LEO1: variants seen among roughly 807,000 people sequenced by gnomAD.
LEO1 encodes the protein LEO1 component of Paf1/RNA polymerase II complex, also known as RNA polymerase-associated protein LEO1.
Under a neutral mutation model 80.4 loss-of-function variants are expected in LEO1, and 34 were observed. The ratio of observed to expected loss-of-function variants is 0.42; its 90% CI spans 0.32 to 0.56. The LOEUF is 0.56. Among genes scored for constraint, LEO1 ranks in the 20% least tolerant of loss-of-function variants. The pLI, the probability that LEO1 is intolerant of heterozygous loss-of-function variation, is 0.10. For missense variants in LEO1, 631 were observed against 814.2 expected (o/e 0.77, Z 2.74); for synonymous variants, 262 against 274.9 (o/e 0.95, Z 0.46).
chr15:51,956,839 G>A (rs1010832583), intron 6 of LEO1, among the ~76,000 whole-genome samples: 1 of 151,484 alleles, frequency 6.6e-6, no homozygotes, highest in South Asian at 2.1e-4. Flanking sequence ...TTTTTTTTTG[G>A]GGGGGAGACA....
At chr15:51,943,835 A>T (rs973398462) in intron 11 of LEO1, among the ~76,000 whole-genome samples, 3 of 152,174 alleles carry the variant, frequency 2.0e-5, no homozygotes, top group Non-Finnish European at 4.4e-5. Context: ...GGGTAACTGA[A>T]ATGAAATGTG....
intron 9 of LEO1, among the ~76,000 whole-genome samples, chr15:51,950,347 C>T (rs980935189): frequency 6.6e-6 from 1 of 152,060 alleles, no homozygotes; most frequent in Non-Finnish European, 1.5e-5. Flanking sequence ...TAAATTGACT[C>T]CCTGGAGCAG....
chr15:51,960,522 A>C, intron 4 of LEO1, 117 bp downstream of exon 4: 1 of 655,088 alleles, frequency 1.5e-6, no homozygotes, highest in Non-Finnish European at 2.7e-6. Context: ...TCATCTGTTC[A>C]TGGTATTTTC....
In LEO1 at chr15:51,962,606, A is replaced by C. The variant is rs1319257067; in HGVS notation, c.815-113T>G. 6.0e-6 allele frequency: 4 copies of C among 661,186 alleles called. No homozygotes were observed. In the Admixed American group the frequency reaches 8.3e-5, roughly 14 times the overall value. 41.0% of individuals were successfully genotyped at this position (661,186 alleles called of 1,614,324 possible). On this transcript the variant is annotated intron_variant, in intron 2 of 11. Transcript: ENST00000299601. ...GTGATACAATGGACTACTACTCAGC[A>C]ATAAAGAGGAATGAACTGCTGATAC...
chr15:51,961,352 A>AGGTGGTGGTGGT (rs367548538), intron 3 of LEO1, among the ~76,000 whole-genome samples: 14 of 139,968 alleles, frequency 1.0e-4, no homozygotes, highest in African/African-American at 2.9e-4. Context: ...TTATAATACC[A>AGGTGGTGGTGGT]GGTGGTGGTG....
intron 11 of LEO1, chr15:51,946,992 C>T (rs2056906914): frequency 3.1e-6 from 1 of 326,740 alleles, no homozygotes; most frequent in Non-Finnish European, 5.6e-6. Flanking sequence ...TCTTCCAGGC[C>T]TTTCCATCTA....
At position 51,958,641 on chromosome 15, in the gene LEO1, G is replaced by A; in HGVS notation, c.1245+101C>T. On this transcript the variant is annotated intron_variant, in intron 6 of 11. Coordinates refer to ENST00000299601, the MANE Select transcript of LEO1 (RefSeq NM_138792.4). ...CAAAAGAACACAGCCATATAGTGAA[G>A]TGTTAGGTAAAAAAATCACTTTCAA... is the stretch of plus-strand genomic sequence containing the variant. 4.2e-6 allele frequency: 3 copies of A among 710,028 alleles called. No individual in the cohort carries two copies. In the South Asian group the frequency reaches 4.8e-5, roughly 11 times the overall value. The allele number at this position is 710,028 out of a possible 1,614,324, so 44.0% of individuals were successfully genotyped here. A position where few individuals can be genotyped will look rare whatever the true frequency, so the allele number is the denominator to read the frequency against.
intron 11 of LEO1, among the ~76,000 whole-genome samples, chr15:51,946,384 C>T (rs2959291): frequency 0.35 from 53,389 of 151,708 alleles, 9,993 homozygotes; most frequent in Middle Eastern, 0.43. Flanking sequence ...TTAGTAGATA[C>T]GAGGTTTCTC....
At chr15:51,957,455 G>A (rs1228885475) in intron 6 of LEO1, among the ~76,000 whole-genome samples, 5 of 151,984 alleles carry the variant, frequency 3.3e-5, no homozygotes, top group African/African-American at 4.8e-5. Flanking sequence ...GGTGGAGGGA[G>A]GACAGGAAAA....
intron 11 of LEO1, among the ~76,000 whole-genome samples, chr15:51,939,286 C>T (rs2141733330): frequency 6.6e-6 from 1 of 152,224 alleles, no homozygotes; most frequent in Middle Eastern, 3.4e-3. Context: ...CTGCTGTGAC[C>T]ACAGGCTGCT....
intron 5 of LEO1, 49 bp from the exon 6 acceptor site, chr15:51,958,875 AT>A: frequency 1.1e-6 from 1 of 951,294 alleles, no homozygotes; most frequent in Non-Finnish European, 1.6e-6. Context: ...TATAAAGAAT[AT>A]TACTGCTATG....
intron 11 of LEO1, among the ~76,000 whole-genome samples, chr15:51,938,960 G>A (rs1240490249): frequency 6.6e-6 from 1 of 152,114 alleles, no homozygotes; most frequent in Non-Finnish European, 1.5e-5. Flanking sequence ...CAAAGGGGGT[G>A]GATCACCTGA....
At position 51,965,971 on chromosome 15, in the gene LEO1, C is replaced by T. The variant is rs367757550; in HGVS notation, c.592G>A (p.Asp198Asn). 27 of 1,613,890 alleles carry T rather than the reference C, an allele frequency of 1.7e-5. No individual in the cohort carries two copies. The highest frequency in any genetic ancestry group is 5.3e-5 in the African/African-American group (4 of 74,900). The change falls in exon 2 of 12, where the codon GAT becomes AAT. Residue 198 changes from aspartate to asparagine, a missense_variant. Physicochemically the swap from Asp to Asn is conservative, Grantham distance 23. Coordinates refer to ENST00000299601, the MANE Select transcript of LEO1 (RefSeq NM_138792.4). Reference sequence around the variant, plus strand: ...TCAGATAGCTGTTGTCTCTCATCATCGGAAAGCTGAGGCCTCTCCTCATCA... The same window carrying T: ...TCAGATAGCTGTTGTCTCTCATCATTGGAAAGCTGAGGCCTCTCCTCATCA... The part of the protein sequence containing the change: ...TDDEERPQLS[D>N]DERQQLSEEE...
In LEO1 at chr15:51,949,545, C is replaced by A. The variant is rs550878055; in HGVS notation, c.1798+263G>T. Among the ~76,000 whole-genome samples the A allele has an allele frequency of 2.0e-5, 3 of 151,868 alleles. No individual in the cohort carries two copies. The South Asian group carries it at 6.3e-4, about 32-fold the overall frequency. ...TGAAACCCCGTCTCTACTAAAAATACAAAAATTAGCCAGGTGTGGTGGCGC... is the reference window on the plus strand; with the variant it reads ...TGAAACCCCGTCTCTACTAAAAATAAAAAAATTAGCCAGGTGTGGTGGCGC... On this transcript the variant is annotated intron_variant, in intron 10 of 11. Transcript: ENST00000299601.
chr15:51,960,809 A>T, intron 3 of LEO1, 76 bp from the exon 4 acceptor site: 1 of 835,276 alleles, frequency 1.2e-6, no homozygotes. Context: ...ACTTCAACAC[A>T]TTCCCAAGGT....
intron 9 of LEO1, 75 bp downstream of exon 9, chr15:51,951,769 G>C: frequency 2.2e-6 from 3 of 1,346,204 alleles, no homozygotes; most frequent in Non-Finnish European, 3.1e-6. Context: ...AAGAGATGAC[G>C]AACAAGCATT....
Position 51,966,169 on chromosome 15 carries a change from C to T in LEO1, c.394G>A (p.Ala132Thr), listed in dbSNP as rs1470635510. 15 of 1,613,948 alleles carry T rather than the reference C, an allele frequency of 9.3e-6. No homozygotes were observed. The highest frequency in any genetic ancestry group is 1.1e-5 in the Non-Finnish European group (13 of 1,180,006). Reference protein sequence around the residue: ...RSDGGSHHSEAEGSEKAHSDD... With the variant: ...RSDGGSHHSETEGSEKAHSDD... ...GAATGTGCTTTTTCAGAACCTTCTG[C>T]TTCTGAATGATGGCTCCCTCCATCC... Residue 132 changes from alanine (A) to threonine (T), a missense_variant, in exon 2 of 12, where the codon GCA becomes ACA. Around this residue, in one of 4 missense-constraint regions of LEO1, gnomAD observed 394 missense variants for 395.6 expected, o/e 1.00. Coordinates refer to ENST00000299601, the MANE Select transcript of LEO1 (RefSeq NM_138792.4).
At chr15:51,939,998 G>A (rs568980653) in intron 11 of LEO1, among the ~76,000 whole-genome samples, 24 of 152,330 alleles carry the variant, frequency 1.6e-4, no homozygotes, top group African/African-American at 5.5e-4. Context: ...GCTCACGCCT[G>A]TAATCCCAGC....
chr15:51,945,262 C>CAAAAAAAAACAAAAAAAAAAA (rs2056889680), intron 11 of LEO1, among the ~76,000 whole-genome samples: 1 of 80,394 alleles, frequency 1.2e-5, no homozygotes, highest in Non-Finnish European at 2.3e-5. Flanking sequence ...ACAAAAAATA[C>CAAAAAAAAACAAAAAAAAAAA]AAAAAAAAAA....
Sources: gnomAD v4.1 joint callset for allele counts (sites outside exome capture counted in the v4.1 genomes callset) on GRCh38, gnomAD v4.1.1 for gene constraint, gnomAD v4.1.1 regional missense constraint, MANE v1.5 for transcripts, NCBI Gene and HGNC (gene_info 2026-07-23, HGNC 2026-07-21) for gene names.